PCDH15: variants seen among roughly 807,000 people sequenced by gnomAD.
PCDH15 encodes the protein protocadherin related 15.
A neutral mutation model predicts 178.5 loss-of-function variants in PCDH15; 129 were observed. The observed-to-expected ratio is 0.72, with a 90% CI of 0.63 to 0.84. The LOEUF (loss-of-function observed/expected upper bound fraction) is 0.84, where lower values mean the gene tolerates loss of function less well. Among genes scored for constraint, PCDH15 ranks in the 40% least tolerant of loss-of-function variants. The pLI is 0.00. For synonymous variants in PCDH15, 800 were observed against 732.0 expected (o/e 1.09, Z -1.50); for missense variants, 2,230 against 2,099.9 (o/e 1.06, Z -1.21).
At chr10:54,640,901 G>A (rs1339445535) in intron 2 of PCDH15, among the ~76,000 whole-genome samples, 1 of 151,910 alleles carries the variant, frequency 6.6e-6, no homozygotes, top group Non-Finnish European at 1.5e-5. Context: ...GTCAGGAGTT[G>A]GAGACCAGCC....
chr10:53,818,179 C>G (rs2076132612), intron 33 of PCDH15, 166 bp from the exon 34 acceptor site: 2 of 384,640 alleles, frequency 5.2e-6, no homozygotes, highest in Non-Finnish European at 9.2e-6. Context: ...ATTATCAAAA[C>G]AGGAAGATCA....
intron 3 of PCDH15, among the ~76,000 whole-genome samples, chr10:54,812,899 A>G (rs182382235): frequency 9.2e-5 from 14 of 152,312 alleles, no homozygotes; most frequent in African/African-American, 3.4e-4. Flanking sequence ...CTTAGATATC[A>G]AACTTCTTCC....
chr10:55,571,324 C>T (rs144793862), intron 2 of PCDH15, among the ~76,000 whole-genome samples: 1,789 of 152,112 alleles, frequency 0.012, 9 homozygotes, highest in South Asian at 0.023. Context: ...GCTAAATAAA[C>T]CCCTTATCTT....
At chr10:55,113,383 G>T (rs1837555654) in intron 2 of PCDH15, among the ~76,000 whole-genome samples, 1 of 150,276 alleles carries the variant, frequency 6.7e-6, no homozygotes, top group Non-Finnish European at 1.5e-5. Flanking sequence ...TAATTTTTAA[G>T]AGCTTAGGTT....
intron 2 of PCDH15, among the ~76,000 whole-genome samples, chr10:55,345,606 A>C (rs561883419): frequency 1.3e-5 from 2 of 152,216 alleles, no homozygotes; most frequent in Admixed American, 1.3e-4. Flanking sequence ...TAGAAAAATC[A>C]AATTTTTTCA....
intron 9 of PCDH15, among the ~76,000 whole-genome samples, chr10:54,219,718 A>T (rs1157722564): frequency 6.6e-6 from 1 of 151,914 alleles, no homozygotes; most frequent in South Asian, 2.1e-4. Context: ...AAAAACAGAA[A>T]AGAAACTAAA....
At chr10:55,197,001 T>C (rs1840111260) in intron 1 of PCDH15, among the ~76,000 whole-genome samples, 1 of 152,026 alleles carries the variant, frequency 6.6e-6, no homozygotes, top group African/African-American at 2.4e-5. Flanking sequence ...TTTGAAACTG[T>C]AATCCTTTTG....
At chr10:54,861,141 C>T (rs1465259524) in intron 3 of PCDH15, among the ~76,000 whole-genome samples, 3 of 152,064 alleles carry the variant, frequency 2.0e-5, no homozygotes, top group African/African-American at 7.2e-5. Context: ...GAAATTCAGT[C>T]TCCCTTGTAA....
intron 2 of PCDH15, among the ~76,000 whole-genome samples, chr10:54,608,271 G>A (rs1028659303): frequency 6.0e-5 from 9 of 150,766 alleles, no homozygotes; most frequent in Non-Finnish European, 1.2e-4. Flanking sequence ...AGTTTAGGAC[G>A]AGCATGGGCA....
intron 17 of PCDH15, among the ~76,000 whole-genome samples, chr10:54,077,640 A>G (rs1590270734): frequency 6.6e-6 from 1 of 152,188 alleles, no homozygotes; most frequent in Non-Finnish European, 1.5e-5. Flanking sequence ...CCTCCTTAGA[A>G]TATTTTCTCT....
chr10:53,932,665 C>T (rs931036815), intron 25 of PCDH15, among the ~76,000 whole-genome samples: 2 of 152,172 alleles, frequency 1.3e-5, no homozygotes, highest in Non-Finnish European at 2.9e-5. Context: ...AAAGTCACTT[C>T]TAAATTTTAA....
At chr10:54,046,023 T>C (rs2093647916) in intron 18 of PCDH15, among the ~76,000 whole-genome samples, 2 of 152,000 alleles carry the variant, frequency 1.3e-5, no homozygotes, top group South Asian at 4.1e-4. Flanking sequence ...CTCCAACAGA[T>C]AAATAAGAAA....
At chr10:53,941,521 A>G (rs912185463) in intron 23 of PCDH15, among the ~76,000 whole-genome samples, 1 of 152,174 alleles carries the variant, frequency 6.6e-6, no homozygotes, top group Non-Finnish European at 1.5e-5. Context: ...TTAGCACTAC[A>G]TAATATTTCG....
At chr10:54,850,538 T>G (rs1424864450) in intron 3 of PCDH15, among the ~76,000 whole-genome samples, 1 of 152,156 alleles carries the variant, frequency 6.6e-6, no homozygotes, top group African/African-American at 2.4e-5. Flanking sequence ...GAACATATAA[T>G]GCTTGGTTTT....
chr10:55,453,975 A>C (rs1039612540), intron 2 of PCDH15, among the ~76,000 whole-genome samples: 1 of 152,164 alleles, frequency 6.6e-6, no homozygotes, highest in African/African-American at 2.4e-5. Context: ...AAAGGAAAAA[A>C]ATGTTTTTTA....
intron 2 of PCDH15, among the ~76,000 whole-genome samples, chr10:54,652,903 T>C (rs2094293858): frequency 6.6e-6 from 1 of 152,178 alleles, no homozygotes; most frequent in African/African-American, 2.4e-5. Context: ...TTCAATCCCA[T>C]GGTAGGAAAA....
intron 2 of PCDH15, among the ~76,000 whole-genome samples, chr10:55,337,877 C>T (rs1431258729): frequency 6.6e-6 from 1 of 151,910 alleles, no homozygotes; most frequent in Non-Finnish European, 1.5e-5. Flanking sequence ...AGAGACAATT[C>T]ACAGAATGGG....
At position 55,571,267 on chromosome 10, in the gene PCDH15, G is replaced by C. The variant is rs79189871; in HGVS notation, c.-156+56358C>G. Among the ~76,000 whole-genome samples the C allele has an allele frequency of 5.2e-3, 792 of 152,066 alleles. 7 individuals carry two copies. The highest frequency in any genetic ancestry group is 0.018 in the African/African-American group (766 of 41,478). On this transcript the variant is annotated intron_variant, in intron 2 of 5. Transcript: ENST00000613346. ...TGGAAGTTTCCTGAGGCCTCACCAG[G>C]AGCAGATACTGGCACTATATTTCTT... is the stretch of plus-strand genomic sequence containing the variant.
At chr10:54,019,422 G>A (rs1018438057) in intron 20 of PCDH15, among the ~76,000 whole-genome samples, 6 of 152,072 alleles carry the variant, frequency 3.9e-5, no homozygotes, top group Non-Finnish European at 5.9e-5. Context: ...CTCAAATGCT[G>A]ATGTTTATGA....
Sources: gnomAD v4.1 joint callset for allele counts (sites outside exome capture counted in the v4.1 genomes callset) on GRCh38, gnomAD v4.1.1 for gene constraint, MANE v1.5 for transcripts, NCBI Gene and HGNC (gene_info 2026-07-23, HGNC 2026-07-21) for gene names.